Variants in TRIO observed in about 807,000 individuals in gnomAD.
The protein encoded by TRIO is triple functional domain protein.
Under a neutral mutation model 351.9 loss-of-function variants are expected in TRIO, and 58 were observed. The ratio of observed to expected loss-of-function variants is 0.16; its 90% CI spans 0.13 to 0.21. TRIO has a LOEUF of 0.21. Ranked by LOEUF, TRIO falls within the 10% of genes least tolerant of loss-of-function variation. The pLI is 1.00. For missense variants in TRIO, 3,201 were observed against 4,027.8 expected (o/e 0.79, Z 5.56); for synonymous variants, 1,758 against 1,595.7 (o/e 1.10, Z -2.42).
chr5:14,429,109 T>G (rs1006310092), intron 34 of TRIO, among the ~76,000 whole-genome samples: 1 of 152,218 alleles, frequency 6.6e-6, no homozygotes, highest in African/African-American at 2.4e-5. Context: ...GGGTAAGAGA[T>G]GGTTTAAAAG....
intron 34 of TRIO, among the ~76,000 whole-genome samples, chr5:14,456,710 T>C (rs1264480056): frequency 6.6e-6 from 1 of 152,206 alleles, no homozygotes; most frequent in Non-Finnish European, 1.5e-5. Context: ...TCTGTGTTTA[T>C]GGTGTGATAT....
chr5:14,144,035 T>A (rs905256102), intron 1 of TRIO, among the ~76,000 whole-genome samples, 153 bp downstream of exon 1: 1 of 151,738 alleles, frequency 6.6e-6, no homozygotes, highest in African/African-American at 2.4e-5. Flanking sequence ...ACTGCTTCCA[T>A]GCGCCGGGGC....
At chr5:14,358,836 A>G (rs987495624) in intron 12 of TRIO, among the ~76,000 whole-genome samples, 2 of 152,128 alleles carry the variant, frequency 1.3e-5, no homozygotes, top group Non-Finnish European at 2.9e-5. Flanking sequence ...TCTGGAAGCA[A>G]ATTTTTTTTA....
In TRIO at chr5:14,366,922, G is replaced by A. The variant is rs201359759; in HGVS notation, c.2817G>A (p.Ser939=). Residue 939 remains serine (S), a synonymous_variant, in exon 16 of 57, where the codon TCG becomes TCA. Coordinates refer to ENST00000344204, the MANE Select transcript of TRIO (RefSeq NM_007118.4). ...MLNAGLITAS[S]LQEAEQLQRE... ...ATGCCGGACTTATCACAGCCAGCTC[G>A]TTACAAGAGGCAGAGCAGCTCCAGC... 12 of 1,614,186 alleles carry A rather than the reference G, an allele frequency of 7.4e-6. No homozygotes were observed. The highest frequency in any genetic ancestry group is 9.3e-6 in the Non-Finnish European group (11 of 1,180,044).
At chr5:14,296,967 C>A in intron 6 of TRIO, 105 bp from the exon 7 acceptor site, 1 of 849,048 alleles carries the variant, frequency 1.2e-6, no homozygotes, top group Non-Finnish European at 1.8e-6. Flanking sequence ...GAGATGTGAT[C>A]ACTGTTAGAA....
chr5:14,465,598 C>T lies in TRIO; in HGVS notation c.5721C>T (p.Ala1907=), dbSNP rs768884619. ...CCAGCTCCGAAACACCGAGTGCAGCCGAGCTCGTCAGTGCAATTGAGGAAC... is the reference window on the plus strand; with the variant it reads ...CCAGCTCCGAAACACCGAGTGCAGCTGAGCTCGTCAGTGCAATTGAGGAAC... ...RPTSSETPSA[A]ELVSAIEELV... is the part of the protein sequence containing the mutation. Residue 1907 remains alanine (A), a synonymous_variant, in exon 37 of 57, where the codon GCC becomes GCT. Coordinates refer to ENST00000344204, the MANE Select transcript of TRIO (RefSeq NM_007118.4). The T allele has an allele frequency of 2.0e-5, 33 of 1,613,916 alleles. No homozygotes were observed. In the Admixed American group the frequency reaches 3.8e-4, roughly 19 times the overall value.
intron 29 of TRIO, 96 bp downstream of exon 29, chr5:14,397,250 G>T: frequency 1.1e-6 from 1 of 914,380 alleles, no homozygotes; most frequent in South Asian, 1.7e-5. Flanking sequence ...CCCGCTTTAT[G>T]TCTCTATGTT....
At chr5:14,320,910 C>A (rs1445442744) in intron 9 of TRIO, among the ~76,000 whole-genome samples, 1 of 152,182 alleles carries the variant, frequency 6.6e-6, no homozygotes, top group Admixed American at 6.5e-5. Flanking sequence ...TGTCAAGGTG[C>A]TATCAGGAGT....
At chr5:14,339,784 T>A (rs927607812) in intron 11 of TRIO, among the ~76,000 whole-genome samples, 1 of 152,192 alleles carries the variant, frequency 6.6e-6, no homozygotes, top group Non-Finnish European at 1.5e-5. Context: ...TTCTGTGCTG[T>A]ACAAAAGCCC....
chr5:14,487,621 C>A lies in TRIO; in HGVS notation c.6993C>A (p.Pro2331=). ...GCCCCAGCAGCTGCGGCGGCGCCCC[C>A]AGCACGAGCAGGAGCCGGCCCTCCC... The part of the protein sequence containing the change: ...SGGPSSCGGA[P]STSRSRPSRI... Residue 2331 remains proline (P), a synonymous_variant, in exon 48 of 57, where the codon CCC becomes CCA. Coordinates refer to ENST00000344204, the MANE Select transcript of TRIO (RefSeq NM_007118.4). 1 of 1,204,678 alleles carries A rather than the reference C, an allele frequency of 8.3e-7. No individual in the cohort carries two copies. 74.6% of individuals were successfully genotyped at this position (1,204,678 alleles called of 1,614,324 possible).
chr5:14,194,298 G>A (rs1790630427), intron 1 of TRIO, among the ~76,000 whole-genome samples: 1 of 152,068 alleles, frequency 6.6e-6, no homozygotes, highest in African/African-American at 2.4e-5. Flanking sequence ...GTTTTCTTTT[G>A]TATTTCTGCT....
intron 8 of TRIO, among the ~76,000 whole-genome samples, chr5:14,311,908 T>C (rs1472272361): frequency 2.0e-5 from 3 of 152,214 alleles, no homozygotes; most frequent in Non-Finnish European, 4.4e-5. Context: ...TGTTGTATCT[T>C]GGGAATGCCA....
chr5:14,181,424 G>A (rs968924503), intron 1 of TRIO, among the ~76,000 whole-genome samples: 2 of 152,186 alleles, frequency 1.3e-5, no homozygotes, highest in African/African-American at 4.8e-5. Context: ...GTTGTTTCCT[G>A]CCTGGGGGGT....
intron 43 of TRIO, 32 bp from the exon 44 acceptor site, chr5:14,481,202 C>G (rs367784502): frequency 6.2e-7 from 1 of 1,601,430 alleles, no homozygotes; most frequent in African/African-American, 1.4e-5. Flanking sequence ...GTCTTTGTCA[C>G]CATTATCATG....
chr5:14,438,567 C>T (rs1180008795), intron 34 of TRIO, among the ~76,000 whole-genome samples: 2 of 152,226 alleles, frequency 1.3e-5, no homozygotes, highest in African/African-American at 4.8e-5. Context: ...AGGGTTTCTT[C>T]CCACGGTCTG....
intron 7 of TRIO, 112 bp downstream of exon 7, chr5:14,297,375 T>C: frequency 2.4e-6 from 3 of 1,260,238 alleles, no homozygotes; most frequent in Non-Finnish European, 2.1e-6. Flanking sequence ...GAGCTCCGCA[T>C]GTGAGCTCTG....
intron 6 of TRIO, among the ~76,000 whole-genome samples, chr5:14,295,197 A>G (rs1429793523): frequency 1.3e-5 from 2 of 152,254 alleles, no homozygotes; most frequent in African/African-American, 4.8e-5. Context: ...AAATAAGGAT[A>G]CTAAATACCA....
intron 1 of TRIO, among the ~76,000 whole-genome samples, chr5:14,210,459 G>C (rs1791816051): frequency 6.6e-6 from 1 of 152,200 alleles, no homozygotes. Flanking sequence ...TTGCTGTCCA[G>C]GTGCCCTTTA....
chr5:14,438,583 G>C (rs1223865394), intron 34 of TRIO, among the ~76,000 whole-genome samples: 1 of 152,136 alleles, frequency 6.6e-6, no homozygotes, highest in Non-Finnish European at 1.5e-5. Context: ...GTCTGTTGAG[G>C]TCACTAACCC....
Sources: allele counts gnomAD v4.1 joint callset (sites outside exome capture counted in the v4.1 genomes callset), GRCh38; gene constraint gnomAD v4.1.1; transcripts MANE v1.5; gene names NCBI Gene and HGNC (gene_info 2026-07-23, HGNC 2026-07-21).